Variants in ZBTB47 observed in about 807,000 individuals in gnomAD.
ZBTB47 encodes zinc finger and BTB domain-containing protein 47.
Under a neutral mutation model 56.6 loss-of-function variants are expected in ZBTB47, and 24 were observed. The observed-to-expected ratio is 0.42, with a 90% CI of 0.31 to 0.60. The LOEUF (loss-of-function observed/expected upper bound fraction) is 0.60. ZBTB47 is among the 20% of genes least tolerant of loss of function. The probability of loss-of-function intolerance (pLI) is 0.14; values close to 1 mark genes in which losing one functional copy is unlikely to be tolerated. For missense variants in ZBTB47, 829 were observed against 1,032.6 expected (o/e 0.80, Z 2.70); for synonymous variants, 414 against 418.9 (o/e 0.99, Z 0.14).
upstream of ZBTB47, among the ~76,000 whole-genome samples, chr3:42,653,418 G>A (rs1188732718): frequency 6.6e-6 from 1 of 152,178 alleles, no homozygotes; most frequent in East Asian, 1.9e-4. Flanking sequence ...CAGGATGGGG[G>A]CAACATGAGA....
Position 42,658,582 on chromosome 3 carries a change from C to A in ZBTB47, c.227C>A (p.Thr76Lys). 1 of 1,537,120 alleles carries A rather than the reference C, an allele frequency of 6.5e-7. No homozygotes were observed. Among genetic ancestry groups the A allele is most frequent in the Non-Finnish European group, 8.7e-7 (1 of 1,146,940 alleles). The change falls in exon 2 of 6, where the codon ACG (threonine) becomes AAG (lysine). Residue 76 changes from threonine (T) to lysine (K), a missense_variant. Physicochemically the swap from Thr to Lys is moderately conservative, Grantham distance 78. This residue lies in a region of ZBTB47 where 120 missense variants were observed against 200.2 expected (regional missense o/e 0.60). Coordinates refer to ENST00000232974, the MANE Select transcript of ZBTB47 (RefSeq NM_145166.4). ...CAGCAGATCCTCAACTTCATCTATA[C>A]GTCCAAGCTGCTGGTCAACGCGGCC... ...GLQQILNFIY[T>K]SKLLVNAANV...
upstream of ZBTB47, among the ~76,000 whole-genome samples, chr3:42,653,316 G>A (rs1257281384): frequency 1.3e-5 from 2 of 152,226 alleles, no homozygotes; most frequent in African/African-American, 4.8e-5. Context: ...CCACTCGTGA[G>A]TAGGACAACA....
rs548152471 is a variant in ZBTB47, at chr3:42,666,329, C to T, written c.*1731C>T. 1.7e-4 allele frequency among the ~76,000 whole-genome samples: 26 copies of T among 152,266 alleles called. No homozygotes were observed. The highest frequency in any genetic ancestry group is 9.7e-4 in the East Asian group (5 of 5,158). On this transcript the variant is annotated 3_prime_UTR_variant, in exon 6 of 6. Transcript: ENST00000232974. ...CTGCTGTCCTGGGGGAGAGAAGGTT[C>T]GCCCCTCCCCGAGGAAGAAGGCTTC...
Position 42,658,909 on chromosome 3 carries a change from C to T in ZBTB47, c.554C>T (p.Ala185Val). 1 of 1,501,994 alleles carries T rather than the reference C, an allele frequency of 6.7e-7. No individual in the cohort carries two copies. The highest frequency in any genetic ancestry group is 8.9e-7 in the Non-Finnish European group (1 of 1,129,400). The allele number at this position is 1,501,994 out of a possible 1,614,324, so 93.0% of individuals were successfully genotyped here. ...GGTVPATIGP[A>V]QPFFKEEKEG... ...ACAGTGCCTGCCACCATTGGGCCAGCCCAGCCCTTCTTTAAGGAGGAGAAG... is the reference window on the plus strand; with the variant it reads ...ACAGTGCCTGCCACCATTGGGCCAGTCCAGCCCTTCTTTAAGGAGGAGAAG... Residue 185 changes from alanine (A) to valine (V), a missense_variant, in exon 2 of 6, where the codon GCC (alanine) becomes GTC (valine). By Grantham distance (64) the Ala-to-Val change is moderately conservative. Coordinates refer to ENST00000232974, the MANE Select transcript of ZBTB47 (RefSeq NM_145166.4).
At position 42,659,637 on chromosome 3, in the gene ZBTB47, G is replaced by T; in HGVS notation, c.1282G>T (p.Val428Leu). Residue 428 changes from valine (V) to leucine (L), a missense_variant, in exon 2 of 6, where the codon GTG (valine) becomes TTG (leucine). Coordinates refer to ENST00000232974, the MANE Select transcript of ZBTB47 (RefSeq NM_145166.4). ...PPATDGLGAKVKLEEKQHHPC... is the reference protein window; with the variant it reads ...PPATDGLGAKLKLEEKQHHPC... Reference sequence around the variant, plus strand: ...AGCCACTGATGGGCTGGGGGCCAAGGTGAAGCTGGAGGAGAAGCAGCACCA... The same window carrying T: ...AGCCACTGATGGGCTGGGGGCCAAGTTGAAGCTGGAGGAGAAGCAGCACCA... The T allele has an allele frequency of 6.2e-7, 1 of 1,611,702 alleles. No homozygotes were observed. The highest frequency in any genetic ancestry group is 8.5e-7 in the Non-Finnish European group (1 of 1,179,104).
At chr3:42,661,390 G>C in intron 2 of ZBTB47, 95 bp from the exon 3 acceptor site, 1 of 1,424,898 alleles carries the variant, frequency 7.0e-7, no homozygotes, top group South Asian at 1.3e-5. Flanking sequence ...CATATTTCAA[G>C]TGGGAAAACT....
At chr3:42,661,826 C>A (rs1190493802) in intron 3 of ZBTB47, among the ~76,000 whole-genome samples, 194 bp downstream of exon 3, 1 of 152,218 alleles carries the variant, frequency 6.6e-6, no homozygotes, top group Non-Finnish European at 1.5e-5. Flanking sequence ...CTGGCATGTA[C>A]AGTTGGGCAG....
Position 42,664,286 on chromosome 3 carries a change from G to T in ZBTB47, c.1932G>T (p.Arg644=). ...CEICGKSFTS[R]PNMKRHRRTH... ...TCTGTGGCAAGAGCTTCACCAGCCG[G>T]CCCAACATGAAGCGGCACCGGCGCA... Residue 644 remains arginine, a synonymous_variant, in exon 6 of 6, where the codon CGG becomes CGT. Coordinates refer to ENST00000232974, the MANE Select transcript of ZBTB47 (RefSeq NM_145166.4). The T allele has an allele frequency of 6.2e-7, 1 of 1,613,706 alleles. No individual in the cohort carries two copies. Among genetic ancestry groups the T allele is most frequent in the Non-Finnish European group, 8.5e-7 (1 of 1,179,834 alleles).
rs1261512746 is a variant in ZBTB47 at position 42,666,563 on chromosome 3, G to A, written c.*1965G>A. Among the ~76,000 whole-genome samples, 1 of 152,158 alleles carries A rather than the reference G, an allele frequency of 6.6e-6. No individual in the cohort carries two copies. Among genetic ancestry groups the A allele is most frequent in the African/African-American group, 2.4e-5 (1 of 41,452 alleles). ...CCAAAAAAAGTTGATCTCTCCCAGT[G>A]GGCTGTAGGCAGGGTCCTCCATGGG... is the stretch of plus-strand genomic sequence containing the variant. On this transcript the variant is annotated 3_prime_UTR_variant, in exon 6 of 6. Transcript: ENST00000232974.
rs773672795 is a variant in ZBTB47 at position 42,663,976 on chromosome 3, G to A, written c.1882+35G>A. ...CCCCTGGGGACGGAGCTCGGTGCCGGGCCTGGGACCCCTTCTCAGCCCCGC... is the reference window on the plus strand; with the variant it reads ...CCCCTGGGGACGGAGCTCGGTGCCGAGCCTGGGACCCCTTCTCAGCCCCGC... On this transcript the variant is annotated intron_variant, in intron 5 of 5. Transcript: ENST00000232974. The surrounding 1 kb of genome is among the most constrained non-coding windows in gnomAD (Gnocchi z 5.1). The A allele has an allele frequency of 3.1e-6, 5 of 1,588,490 alleles. No individual in the cohort carries two copies. In the East Asian group the frequency reaches 9.1e-5, roughly 29 times the overall value.
chr3:42,659,581 G>A lies in ZBTB47; in HGVS notation c.1226G>A (p.Gly409Glu). The change falls in exon 2 of 6, where the codon GGA becomes GAA. Residue 409 changes from glycine (G) to glutamate (E), a missense_variant. Gly to Glu is a moderately conservative substitution (Grantham distance 98). Around this residue, in one of 6 missense-constraint regions of ZBTB47, gnomAD observed 359 missense variants for 359.8 expected, o/e 1.00. Transcript: ENST00000232974. ...RGGKRPKPPPGVASASARGPP... is the reference protein window; with the variant it reads ...RGGKRPKPPPEVASASARGPP... ...GGGAAGAGGCCAAAGCCACCCCCTG[G>A]AGTGGCCTCTGCATCGGCCCGAGGG... The A allele has an allele frequency of 1.9e-6, 3 of 1,603,294 alleles. No homozygotes were observed. Among genetic ancestry groups the A allele is most frequent in the Non-Finnish European group, 2.6e-6 (3 of 1,174,772 alleles).
At chr3:42,653,167 T>A (rs1710587102), upstream of ZBTB47, among the ~76,000 whole-genome samples, 1 of 151,676 alleles carries the variant, frequency 6.6e-6, no homozygotes, top group South Asian at 2.1e-4. Context: ...AGAGTGGGGG[T>A]GGGGGAGGAG....
At chr3:42,661,742 C>T in intron 3 of ZBTB47, 110 bp downstream of exon 3, 1 of 1,426,406 alleles carries the variant, frequency 7.0e-7, no homozygotes, top group African/African-American at 1.4e-5. Context: ...GGTGAGGAGG[C>T]CCCTCTCAGC....
Position 42,659,281 on chromosome 3 carries a change from G to A in ZBTB47, c.926G>A (p.Gly309Asp). 1 of 1,505,060 alleles carries A rather than the reference G, an allele frequency of 6.6e-7. No homozygotes were observed. Among genetic ancestry groups the A allele is most frequent in the African/African-American group, 1.4e-5 (1 of 72,214 alleles). 93.2% of individuals were successfully genotyped at this position (1,505,060 alleles called of 1,614,324 possible). A position where few individuals can be genotyped will look rare whatever the true frequency, so the allele number is the denominator to read the frequency against. Residue 309 changes from glycine (G) to aspartate (D), a missense_variant, in exon 2 of 6, where the codon GGC becomes GAC. By Grantham distance (94) the Gly-to-Asp change is moderately conservative. Around this residue, in one of 6 missense-constraint regions of ZBTB47, gnomAD observed 359 missense variants for 359.8 expected, o/e 1.00. Transcript: ENST00000232974. ...GREEEEEEEG[G>D]SQGEEEEEEE... ...GAGGAGGAGGAGGAGGAAGAGGGTG[G>A]CAGTCAGGGAGAAGAGGAAGAAGAG...
At chr3:42,659,868 AG>A (rs1710692505) in intron 2 of ZBTB47, 40 bp downstream of exon 2, 1 of 1,549,212 alleles carries the variant, frequency 6.5e-7, no homozygotes. Flanking sequence ...GAGGCTGTCC[AG>A]GTGGGGCTAG....
chr3:42,659,951 T>A (rs1452778873), intron 2 of ZBTB47, 123 bp downstream of exon 2: 1 of 1,358,474 alleles, frequency 7.4e-7, no homozygotes, highest in Non-Finnish European at 9.7e-7. Context: ...AGACCAGACT[T>A]AGCCCCCAGA....
chr3:42,664,533 C>T lies in ZBTB47; in HGVS notation c.2179C>T (p.Pro727Ser). 1 of 1,352,506 alleles carries T rather than the reference C, an allele frequency of 7.4e-7. No individual in the cohort carries two copies. The highest frequency in any genetic ancestry group is 9.6e-7 in the Non-Finnish European group (1 of 1,044,330). 83.8% of individuals were successfully genotyped at this position (1,352,506 alleles called of 1,614,324 possible). A position where few individuals can be genotyped will look rare whatever the true frequency, so the allele number is the denominator to read the frequency against. Residue 727 changes from proline (P) to serine (S), a missense_variant, in exon 6 of 6, where the codon CCG (proline) becomes TCG (serine). Physicochemically the swap from Pro to Ser is moderately conservative, Grantham distance 74. Transcript: ENST00000232974. ...PQTLPPPPHL[P>S]PPPPLFPTTA... is the part of the protein sequence containing the mutation. ...GACCCTGCCGCCCCCGCCCCACCTG[C>T]CGCCCCCGCCTCCGCTCTTCCCCAC...
rs771189236 is a variant in ZBTB47, at chr3:42,665,863, CT to C, written c.*1268del. On this transcript the variant is annotated 3_prime_UTR_variant, in exon 6 of 6. Transcript: ENST00000232974. ...ACCCTTTTTTGTTGTCATTTAATGT[CT>C]TTATTCCTGCCTTTAATATGGGGAG... 1 of 152,650 alleles carries C rather than the reference CT, an allele frequency of 6.6e-6. No homozygotes were observed. Among genetic ancestry groups the C allele is most frequent in the Non-Finnish European group, 1.5e-5 (1 of 68,040 alleles). The allele number at this position is 152,650 out of a possible 1,614,324, so 9.5% of individuals were successfully genotyped here. A position where few individuals can be genotyped will look rare whatever the true frequency, so the allele number is the denominator to read the frequency against.
At chr3:42,655,323 G>C (rs1451918433) in intron 1 of ZBTB47, among the ~76,000 whole-genome samples, 1 of 152,190 alleles carries the variant, frequency 6.6e-6, no homozygotes, top group African/African-American at 2.4e-5. Context: ...TGACATGGGA[G>C]GGGGGCGCAG....
Sources: allele counts gnomAD v4.1 joint callset (sites outside exome capture counted in the v4.1 genomes callset), GRCh38; gene constraint gnomAD v4.1.1; regional missense constraint gnomAD v4.1.1; non-coding constraint Gnocchi (gnomAD v3.1); transcripts MANE v1.5; gene names NCBI Gene and HGNC (gene_info 2026-07-23, HGNC 2026-07-21).